NDUFA11: variants seen among roughly 807,000 people sequenced by gnomAD.
NDUFA11 encodes the protein NADH dehydrogenase [ubiquinone] 1 alpha subcomplex subunit 11.
A neutral mutation model predicts 11.3 loss-of-function variants in NDUFA11; 14 were observed. The observed-to-expected ratio is 1.24, with a 90% CI of 0.82 to 1.94. The LOEUF is 1.94. NDUFA11 is among the 30% of genes most tolerant of loss of function. The pLI is 0.00. For missense variants in NDUFA11, 204 were observed against 200.3 expected (o/e 1.02, Z -0.11); for synonymous variants, 87 against 85.6 (o/e 1.02, Z -0.09).
At chr19:5,898,830 C>T (rs910851202) in intron 1 of NDUFA11, among the ~76,000 whole-genome samples, 3 of 149,850 alleles carry the variant, frequency 2.0e-5, no homozygotes, top group African/African-American at 4.9e-5. Flanking sequence ...GCCAAGATTG[C>T]GCCACTGCAC....
At chr19:5,894,910 G>A (rs1014488393) in intron 3 of NDUFA11, 56 bp from the exon 4 acceptor site, 13 of 1,530,060 alleles carry the variant, frequency 8.5e-6, no homozygotes, top group East Asian at 4.9e-5. Flanking sequence ...GGACCAAGAC[G>A]CTCCACGCCC....
chr19:5,896,984 A>G lies in NDUFA11; in HGVS notation c.111T>C (p.Ala37=). The part of the protein sequence containing the change: ...SIASVAGLTA[A]AYRVTLNPPG... ...GAGGATTGAGTGTGACTCTGTAGGC[A>G]GCGGCGGTCAGGCCTGCGAGACAGA... Residue 37 remains alanine, a synonymous_variant, in exon 2 of 4, where the codon GCT becomes GCC. Coordinates refer to ENST00000308961, the MANE Select transcript of NDUFA11 (RefSeq NM_175614.5). The surrounding 1 kb of genome is among the most constrained non-coding windows in gnomAD (Gnocchi z 5.8). The G allele has an allele frequency of 6.2e-7, 1 of 1,614,072 alleles. No individual in the cohort carries two copies. The highest frequency in any genetic ancestry group is 8.5e-7 in the Non-Finnish European group (1 of 1,179,994).
At chr19:5,892,649 G>A (rs2057584533), downstream of NDUFA11, 2 of 349,544 alleles carry the variant, frequency 5.7e-6, no homozygotes, top group East Asian at 4.4e-5. Context: ...TGTGGTCACC[G>A]CGGGGCTGGG....
chr19:5,903,652 G>C lies in NDUFA11; in HGVS notation c.57C>G (p.His19Gln), dbSNP rs1475919530. The C allele has an allele frequency of 6.4e-7, 1 of 1,551,498 alleles. No individual in the cohort carries two copies. Among genetic ancestry groups the C allele is most frequent in the Non-Finnish European group, 8.7e-7 (1 of 1,146,932 alleles). Residue 19 changes from histidine (H) to glutamine (Q), a missense_variant, in exon 1 of 4, where the codon CAC (histidine) becomes CAG (glutamine). Physicochemically the swap from His to Gln is conservative, Grantham distance 24. Transcript: ENST00000308961. ...YWDIPDGTDC[H>Q]RKAYSTTSIA... The stretch of plus-strand genomic sequence containing the variant: ...TACTGGTGGTGCTGTAGGCTTTGCG[G>C]TGGCAATCGGTGCCATCGGGGATAT...
intron 1 of NDUFA11, among the ~76,000 whole-genome samples, chr19:5,899,516 GCA>G (rs891978941): frequency 7.3e-6 from 1 of 136,160 alleles, no homozygotes; most frequent in African/African-American, 2.8e-5. Context: ...GTGCAGTGGT[GCA>G]AACTTGGCTC....
intron 1 of NDUFA11, among the ~76,000 whole-genome samples, chr19:5,900,236 T>C (rs778800): frequency 0.087 from 13,233 of 152,142 alleles, 607 homozygotes; most frequent in African/African-American, 0.1. Flanking sequence ...CCTCTGAGCC[T>C]CCCACAGTGA....
At chr19:5,898,277 A>C (rs1405976650) in intron 1 of NDUFA11, among the ~76,000 whole-genome samples, 1 of 152,082 alleles carries the variant, frequency 6.6e-6, no homozygotes, top group East Asian at 1.9e-4. Flanking sequence ...ATCCAGCTTC[A>C]AGGGACCCAT....
At chr19:5,892,854 T>C, downstream of NDUFA11, 1 of 1,394,670 alleles carries the variant, frequency 7.2e-7, no homozygotes, top group Non-Finnish European at 9.3e-7. Context: ...TTATTCCCAT[T>C]TACCAGGTGG....
At chr19:5,893,918 C>T (rs147995486), downstream of NDUFA11, among the ~76,000 whole-genome samples, 88 of 152,308 alleles carry the variant, frequency 5.8e-4, 1 homozygote, top group East Asian at 0.012. The surrounding 1 kb of genome is among the most constrained non-coding windows in gnomAD (Gnocchi z 4.1). Context: ...TGCACAGCTC[C>T]GCTCCCCTGG....
Position 5,896,710 on chromosome 19 carries a change from C to T in NDUFA11, c.191-135G>A. The T allele has an allele frequency of 7.2e-7, 1 of 1,382,638 alleles. No individual in the cohort carries two copies. The highest frequency in any genetic ancestry group is 1.0e-6 in the Non-Finnish European group (1 of 997,730). 85.6% of individuals were successfully genotyped at this position (1,382,638 alleles called of 1,614,324 possible). ...GCTGTGCATGGCAGCCTCCTGGCCCCAGTCCTGGAGCTGTTCTCCTGGGCC... is the reference window on the plus strand; with the variant it reads ...GCTGTGCATGGCAGCCTCCTGGCCCTAGTCCTGGAGCTGTTCTCCTGGGCC... On this transcript the variant is annotated intron_variant, in intron 2 of 3. Transcript: ENST00000308961. This position sits in a 1 kb window ranked among gnomAD's most constrained non-coding sequence, Gnocchi z 5.8.
Position 5,894,759 on chromosome 19 carries a change from CA to C in NDUFA11, c.408del (p.Phe136LeufsTer23). On this transcript the variant is annotated frameshift_variant, in exon 4 of 4. Coordinates refer to ENST00000308961, the MANE Select transcript of NDUFA11 (RefSeq NM_175614.5). LOFTEE classifies it high-confidence loss of function. ...KMGRLEGWEV[F>X]AKPKV is the part of the protein sequence containing the mutation. ...CACAGGGCTCACACCTTGGGTTTTG[CA>C]AACACCTCCCAGCCCTCCAGCCGGC... The C allele has an allele frequency of 6.2e-7, 1 of 1,613,364 alleles. No individual in the cohort carries two copies. Among genetic ancestry groups the C allele is most frequent in the Non-Finnish European group, 8.5e-7 (1 of 1,179,782 alleles).
At position 5,896,633 on chromosome 19, in the gene NDUFA11, G is replaced by A. The variant is rs971952807; in HGVS notation, c.191-58C>T. ...AGACGGGCACAGCAGGAGCCTCTTGGGCGCTCACTGCCAGTGTCTGGATGG... is the reference window on the plus strand; with the variant it reads ...AGACGGGCACAGCAGGAGCCTCTTGAGCGCTCACTGCCAGTGTCTGGATGG... On this transcript the variant is annotated intron_variant, in intron 2 of 3. Transcript: ENST00000308961. This position sits in a 1 kb window ranked among gnomAD's most constrained non-coding sequence, Gnocchi z 5.8. 9 of 1,551,468 alleles carry A rather than the reference G, an allele frequency of 5.8e-6. No individual in the cohort carries two copies. Among genetic ancestry groups the A allele is most frequent in the Non-Finnish European group, 7.8e-6 (9 of 1,148,158 alleles).
rs191397317 is a variant in NDUFA11, at chr19:5,899,505, A to G, written c.98-2508T>C. Among the ~76,000 whole-genome samples, 36 of 130,110 alleles carry G rather than the reference A, an allele frequency of 2.8e-4. 1 individual carries two copies. The East Asian group carries it at 8.4e-3, about 30-fold the overall frequency. 85.4% of individuals were successfully genotyped at this position (130,110 alleles called of 152,430 possible). The stretch of plus-strand genomic sequence containing the variant: ...AGTCTTGCTCTGTTGCCCAGGCTAG[A>G]GTGCAGTGGTGCAAACTTGGCTCAC... On this transcript the variant is annotated intron_variant, in intron 1 of 3. Transcript: ENST00000308961.
At position 5,896,839 on chromosome 19, in the gene NDUFA11, A is replaced by G; in HGVS notation, c.190+66T>C. 1 of 1,422,496 alleles carries G rather than the reference A, an allele frequency of 7.0e-7. No individual in the cohort carries two copies. Among genetic ancestry groups the G allele is most frequent in the East Asian group, 2.3e-5 (1 of 43,954 alleles). 88.1% of individuals were successfully genotyped at this position (1,422,496 alleles called of 1,614,324 possible). A position where few individuals can be genotyped will look rare whatever the true frequency, so the allele number is the denominator to read the frequency against. On this transcript the variant is annotated intron_variant, in intron 2 of 3. Transcript: ENST00000308961. This position sits in a 1 kb window ranked among gnomAD's most constrained non-coding sequence, Gnocchi z 5.8. ...AGTCAGAGAGAAGAGGCAGCCGTCA[A>G]ATGTGCTCTGAGAGCTGGGGCTGTG...
intron 1 of NDUFA11, 28 bp downstream of exon 1, chr19:5,903,584 C>T (rs2057659229): frequency 1.3e-6 from 2 of 1,545,782 alleles, no homozygotes; most frequent in Non-Finnish European, 1.7e-6. Flanking sequence ...CCTCGGCCCT[C>T]CACCCTCGGG....
At chr19:5,892,478 C>T (rs563657602), downstream of NDUFA11, 141 of 159,784 alleles carry the variant, frequency 8.8e-4, 2 homozygotes, top group South Asian at 0.023. Context: ...AGTCTTTCCT[C>T]CTGTCCAGCC....
At chr19:5,892,423 G>A (rs75682820), downstream of NDUFA11, 303 of 156,566 alleles carry the variant, frequency 1.9e-3, no homozygotes, top group African/African-American at 2.7e-3. Context: ...TCCCAGAAGC[G>A]GCCATGGTGC....
At chr19:5,898,060 C>T (rs569093486) in intron 1 of NDUFA11, among the ~76,000 whole-genome samples, 1 of 152,360 alleles carries the variant, frequency 6.6e-6, no homozygotes, top group Admixed American at 6.5e-5. Flanking sequence ...CAGGGATGGG[C>T]CACAAGGGCC....
At chr19:5,893,359 G>A (rs2057589326), downstream of NDUFA11, 1 of 687,516 alleles carries the variant, frequency 1.5e-6, no homozygotes, top group East Asian at 2.7e-5. The surrounding 1 kb of genome is among the most constrained non-coding windows in gnomAD (Gnocchi z 4.1). Context: ...CAGCTACCAG[G>A]GAGGCTGAGA....
Sources: gnomAD v4.1 joint callset for allele counts (sites outside exome capture counted in the v4.1 genomes callset) on GRCh38, gnomAD v4.1.1 for gene constraint, Gnocchi (gnomAD v3.1) non-coding constraint, MANE v1.5 for transcripts, NCBI Gene and HGNC (gene_info 2026-07-23, HGNC 2026-07-21) for gene names.